Variants in B4GALNT3 observed in about 807,000 individuals in gnomAD.
B4GALNT3 encodes beta-1,4-N-acetyl-galactosaminyltransferase 3.
A neutral mutation model predicts 120.2 loss-of-function variants in B4GALNT3; 86 were observed. The observed-to-expected ratio is 0.72, with a 90% CI of 0.60 to 0.86. The LOEUF is 0.86. Among genes scored for constraint, B4GALNT3 ranks in the 40% least tolerant of loss-of-function variants. The pLI is 0.00. For missense variants in B4GALNT3, 1,167 were observed against 1,298.9 expected, an observed-to-expected ratio of 0.90 and a Z score of 1.56; for synonymous variants, 518 against 510.4, an observed-to-expected ratio of 1.01 and a Z score of -0.20.
rs1044055354 is a variant in B4GALNT3, at chr12:460,676, G to C, written c.169+131G>C. 4.1e-6 allele frequency: 4 copies of C among 969,164 alleles called. No homozygotes were observed. The highest frequency in any genetic ancestry group is 5.4e-6 in the Non-Finnish European group (4 of 743,860). 60.0% of individuals were successfully genotyped at this position (969,164 alleles called of 1,614,324 possible). ...CCCATTTCTCCCTCAGGTGCCCGGC[G>C]TCGCCCCGCGCGTACTCGGGGAGAG... On this transcript the variant is annotated intron_variant, in intron 1 of 19. Transcript: ENST00000266383. The surrounding 1 kb of genome is among the most constrained non-coding windows in gnomAD (Gnocchi z 8.0).
intron 6 of B4GALNT3, among the ~76,000 whole-genome samples, chr12:546,407 C>T (rs1308035014): frequency 1.3e-5 from 2 of 152,032 alleles, no homozygotes; most frequent in Non-Finnish European, 2.9e-5. Flanking sequence ...GGTGCTGACT[C>T]GCGCTGCAGG....
Position 550,035 on chromosome 12 carries a change from G to A in B4GALNT3, c.997+123G>A, listed in dbSNP as rs189351502. The A allele has an allele frequency of 2.9e-4, 332 of 1,128,948 alleles. 1 individual carries two copies. The highest frequency in any genetic ancestry group is 9.0e-4 in the Middle Eastern group (3 of 3,342). 69.9% of individuals were successfully genotyped at this position (1,128,948 alleles called of 1,614,324 possible). On this transcript the variant is annotated intron_variant, in intron 10 of 19. Transcript: ENST00000266383. The surrounding 1 kb of genome is among the most constrained non-coding windows in gnomAD (Gnocchi z 4.1). ...CCCAATCACCGTAGAACTTTTTATC[G>A]TCCTTGTAACATAGAACATGCATAC...
At chr12:498,765 G>A (rs773330509) in intron 1 of B4GALNT3, among the ~76,000 whole-genome samples, 6 of 152,164 alleles carry the variant, frequency 3.9e-5, no homozygotes, top group South Asian at 2.1e-4. Flanking sequence ...GGATGTTCCC[G>A]CGTCTGTCTT....
At chr12:502,022 T>G (rs1946448696) in intron 1 of B4GALNT3, among the ~76,000 whole-genome samples, 1 of 152,200 alleles carries the variant, frequency 6.6e-6, no homozygotes, top group African/African-American at 2.4e-5. Flanking sequence ...GTCACAGACT[T>G]CATTCCGTCT....
rs1409703841 is a variant in B4GALNT3 at position 553,385 on chromosome 12, G to A, written c.1462G>A (p.Ala488Thr). ...LLAQPREGLL[A>T]PFSKRNSTAS... ...GGCTCAGCCCCGGGAGGGCCTGCTG[G>A]CCCCCTTCTCCAAGCGGAACTCCAC... The change falls in exon 14 of 20, where the codon GCC becomes ACC. Residue 488 changes from alanine (A) to threonine (T), a missense_variant. By Grantham distance (58) the Ala-to-Thr change is moderately conservative. Transcript: ENST00000266383. 1.2e-6 allele frequency: 2 copies of A among 1,613,834 alleles called. No individual in the cohort carries two copies. Among genetic ancestry groups the A allele is most frequent in the Non-Finnish European group, 1.7e-6 (2 of 1,180,040 alleles).
At position 549,755 on chromosome 12, in the gene B4GALNT3, C is replaced by T. The variant is rs1388941784; in HGVS notation, c.854-14C>T. 6.2e-7 allele frequency: 1 copy of T among 1,613,674 alleles called. No individual in the cohort carries two copies. Among genetic ancestry groups the T allele is most frequent in the Non-Finnish European group, 8.5e-7 (1 of 1,180,014 alleles). On this transcript the variant is annotated splice_polypyrimidine_tract_variant and intron_variant, in intron 9 of 19. Transcript: ENST00000266383. ...GCCACACAGCCTCCTGCTTTCTTTC[C>T]TCCCTGCGCCCAGATGAGACGTTCC... is the stretch of plus-strand genomic sequence containing the variant.
rs754473202 is a variant in B4GALNT3 at position 544,861 on chromosome 12, C to T, written c.448-21C>T. The T allele has an allele frequency of 3.1e-6, 5 of 1,610,926 alleles. No homozygotes were observed. In the African/African-American group the frequency reaches 6.7e-5, roughly 22 times the overall value. ...TTTTCCCTCTTCTGGGTAACTGTTT[C>T]CTTCCCCTTTCTTGGCATAGATTCG... On this transcript the variant is annotated intron_variant, in intron 4 of 19. Transcript: ENST00000266383.
chr12:473,351 G>A (rs956668037), intron 1 of B4GALNT3, among the ~76,000 whole-genome samples: 2 of 152,188 alleles, frequency 1.3e-5, no homozygotes, highest in African/African-American at 2.4e-5. Context: ...GGATGGCTAG[G>A]ATGTAGTGAG....
intron 19 of B4GALNT3, 135 bp downstream of exon 19, chr12:559,556 A>G: frequency 7.7e-7 from 1 of 1,294,776 alleles, no homozygotes; most frequent in Middle Eastern, 2.8e-4. Context: ...CTGGACTCGG[A>G]GGACGCCCTC....
At chr12:527,306 G>C (rs12423423) in intron 1 of B4GALNT3, among the ~76,000 whole-genome samples, 27,076 of 152,208 alleles carry the variant, frequency 0.18, 2,695 homozygotes, top group Admixed American at 0.31. Context: ...CAGGGCAGAA[G>C]TTCCCAGGCA....
intron 1 of B4GALNT3, among the ~76,000 whole-genome samples, chr12:534,177 C>A (rs914894979): frequency 6.6e-6 from 1 of 152,214 alleles, no homozygotes; most frequent in Non-Finnish European, 1.5e-5. Context: ...CCACTACTTG[C>A]TAAGTGAGCC....
chr12:494,688 GAGA>G lies in B4GALNT3; in HGVS notation c.169+34147_169+34149del, dbSNP rs571592706. Among the ~76,000 whole-genome samples, 115 of 152,250 alleles carry G rather than the reference GAGA, an allele frequency of 7.6e-4. 1 individual carries two copies. The highest frequency in any genetic ancestry group is 3.9e-3 in the South Asian group (19 of 4,818). ...CTGGGACATTGGAACAGGAGTGTAG[GAGA>G]AGACCCACAGATTGTCCCCTTGTCA... On this transcript the variant is annotated intron_variant, in intron 1 of 19. Coordinates refer to ENST00000266383, the MANE Select transcript of B4GALNT3 (RefSeq NM_173593.4).
chr12:505,171 C>T (rs538449806), intron 1 of B4GALNT3, among the ~76,000 whole-genome samples: 72 of 152,100 alleles, frequency 4.7e-4, no homozygotes, highest in African/African-American at 1.6e-3. Flanking sequence ...GGAGTACAGG[C>T]GTGAACCACC....
intron 1 of B4GALNT3, among the ~76,000 whole-genome samples, chr12:515,526 A>T (rs1017487914): frequency 6.6e-6 from 1 of 152,166 alleles, no homozygotes; most frequent in African/African-American, 2.4e-5. Flanking sequence ...ATTAAAAGGG[A>T]TAAATTTGTA....
At chr12:525,086 T>TTTTTTTTA (rs1555156518) in intron 1 of B4GALNT3, among the ~76,000 whole-genome samples, 2 of 130,532 alleles carry the variant, frequency 1.5e-5, no homozygotes, top group African/African-American at 5.1e-5. Flanking sequence ...AATAACACAA[T>TTTTTTTTA]TTTATTTATT....
chr12:516,689 G>A lies in B4GALNT3; in HGVS notation c.170-18477G>A, dbSNP rs542608652. Among the ~76,000 whole-genome samples, 3 of 152,284 alleles carry A rather than the reference G, an allele frequency of 2.0e-5. No individual in the cohort carries two copies. In the South Asian group the frequency reaches 6.2e-4, roughly 32 times the overall value. ...CTCATTGGCCATCAGAAGGATCTTG[G>A]ATTGTATTTGAGTGATTTGGGAAGT... On this transcript the variant is annotated intron_variant, in intron 1 of 19. Coordinates refer to ENST00000266383, the MANE Select transcript of B4GALNT3 (RefSeq NM_173593.4).
intron 3 of B4GALNT3, among the ~76,000 whole-genome samples, chr12:543,948 T>C (rs1200364680): frequency 7.5e-6 from 1 of 133,072 alleles, no homozygotes; most frequent in Non-Finnish European, 1.6e-5. Flanking sequence ...GCTGAGGATC[T>C]GGGGCGGGTG....
intron 1 of B4GALNT3, among the ~76,000 whole-genome samples, chr12:463,605 G>A (rs1946046708): frequency 6.6e-6 from 1 of 152,114 alleles, no homozygotes; most frequent in Non-Finnish European, 1.5e-5. Context: ...ATATAAAGCA[G>A]TCATTAAGTT....
At chr12:499,495 AGCCCGTGCTCTCACTATCTACTAGCCCG>A (rs1946419817) in intron 1 of B4GALNT3, among the ~76,000 whole-genome samples, 1 of 126,238 alleles carries the variant, frequency 7.9e-6, no homozygotes, top group African/African-American at 3.6e-5. Context: ...TAGCCCGTGG[AGCCCGTGCTCTCACTATCTACTAGCCCG>A]TGGAGCCCGT....
Sources: allele counts gnomAD v4.1 joint callset (sites outside exome capture counted in the v4.1 genomes callset), GRCh38; gene constraint gnomAD v4.1.1; non-coding constraint Gnocchi (gnomAD v3.1); transcripts MANE v1.5; gene names NCBI Gene and HGNC (gene_info 2026-07-23, HGNC 2026-07-21).